PCDH15: variants seen among roughly 807,000 people sequenced by gnomAD.
The protein encoded by PCDH15 is protocadherin-15.
PCDH15 carries 129 observed loss-of-function variants against 178.5 expected under a neutral mutation model. The ratio of observed to expected loss-of-function variants is 0.72; its 90% confidence interval spans 0.63 to 0.84. PCDH15 has a LOEUF of 0.84. PCDH15 is among the 40% of genes least tolerant of loss of function. The pLI, the probability that PCDH15 is intolerant of heterozygous loss-of-function variation, is 0.00. For missense variants in PCDH15, 2,230 were observed against 2,099.9 expected (o/e 1.06, Z -1.21); for synonymous variants, 800 against 732.0 (o/e 1.09, Z -1.50).
At chr10:55,160,865 C>A (rs1261283237) in intron 2 of PCDH15, among the ~76,000 whole-genome samples, 2 of 152,128 alleles carry the variant, frequency 1.3e-5, no homozygotes, top group African/African-American at 2.4e-5. Context: ...ACAGCAATAT[C>A]TCTTATTTAA....
At chr10:55,115,394 G>C (rs1474367948) in intron 2 of PCDH15, among the ~76,000 whole-genome samples, 2 of 152,210 alleles carry the variant, frequency 1.3e-5, no homozygotes, top group Admixed American at 6.5e-5. Context: ...CAATATGCTA[G>C]TGAAAGCATT....
chr10:53,955,710 C>T (rs1425755117), intron 23 of PCDH15, among the ~76,000 whole-genome samples: 2 of 152,224 alleles, frequency 1.3e-5, no homozygotes, highest in East Asian at 1.9e-4. Context: ...AATTTGATCA[C>T]AAGAAGTAGA....
chr10:53,900,712 C>T (rs2082278055), intron 26 of PCDH15, among the ~76,000 whole-genome samples: 1 of 151,888 alleles, frequency 6.6e-6, no homozygotes, highest in South Asian at 2.1e-4. Context: ...TGTAGATCTC[C>T]CAGTAGTGGC....
At chr10:54,965,646 A>G (rs1838767462) in intron 2 of PCDH15, among the ~76,000 whole-genome samples, 1 of 147,788 alleles carries the variant, frequency 6.8e-6, no homozygotes, top group Non-Finnish European at 1.5e-5. Context: ...TATGTTGGGT[A>G]TATGTGGATT....
intron 1 of PCDH15, among the ~76,000 whole-genome samples, chr10:55,222,380 C>T (rs1261479891): frequency 1.3e-5 from 2 of 151,796 alleles, no homozygotes; most frequent in East Asian, 3.9e-4. Flanking sequence ...CACAAAAATA[C>T]ATGTCAAACT....
chr10:55,156,213 T>C (rs899438253), intron 2 of PCDH15, among the ~76,000 whole-genome samples: 6 of 152,126 alleles, frequency 3.9e-5, no homozygotes, highest in African/African-American at 1.4e-4. Flanking sequence ...CAAGGAATAT[T>C]TAGCTTTAGG....
chr10:55,191,932 G>A (rs984944207), intron 1 of PCDH15, among the ~76,000 whole-genome samples: 2 of 151,636 alleles, frequency 1.3e-5, no homozygotes, highest in Non-Finnish European at 2.9e-5. Flanking sequence ...TGCAAATCCC[G>A]TTTGTCTGAA....
chr10:55,585,640 C>T (rs567468839), intron 2 of PCDH15, among the ~76,000 whole-genome samples: 14 of 152,174 alleles, frequency 9.2e-5, no homozygotes, highest in African/African-American at 3.4e-4. Context: ...GGCGCCAATG[C>T]ACTCCAGCCT....
chr10:53,959,363 T>C (rs2088027437), intron 23 of PCDH15, among the ~76,000 whole-genome samples: 1 of 151,584 alleles, frequency 6.6e-6, no homozygotes, highest in South Asian at 2.1e-4. Flanking sequence ...TGATTGCAGA[T>C]TGCATGCCAA....
intron 2 of PCDH15, among the ~76,000 whole-genome samples, chr10:54,616,820 T>A (rs1372812608): frequency 6.6e-6 from 1 of 152,108 alleles, no homozygotes; most frequent in Non-Finnish European, 1.5e-5. Flanking sequence ...TATTGCATTA[T>A]ATATTCTTCC....
intron 15 of PCDH15, among the ~76,000 whole-genome samples, chr10:54,119,602 G>C (rs76623268): frequency 6.6e-6 from 1 of 152,106 alleles, no homozygotes; most frequent in Non-Finnish European, 1.5e-5. Context: ...AAATTTCCCT[G>C]ATCTTGCCAG....
At chr10:54,344,646 C>T (rs189288382) in intron 6 of PCDH15, among the ~76,000 whole-genome samples, 64 of 151,936 alleles carry the variant, frequency 4.2e-4, no homozygotes, top group Middle Eastern at 6.8e-3. Context: ...ATGGCGCACA[C>T]GTACAATTAA....
intron 28 of PCDH15, among the ~76,000 whole-genome samples, chr10:53,845,381 A>C (rs1258407015): frequency 6.6e-6 from 1 of 151,966 alleles, no homozygotes; most frequent in African/African-American, 2.4e-5. Context: ...CTAGGTATAC[A>C]TCCAAAAGAA....
chr10:55,399,759 C>T (rs1838020516), intron 2 of PCDH15, among the ~76,000 whole-genome samples: 1 of 151,960 alleles, frequency 6.6e-6, no homozygotes, highest in Non-Finnish European at 1.5e-5. Flanking sequence ...TTCATCATAT[C>T]GGTGGGAGTA....
intron 21 of PCDH15, among the ~76,000 whole-genome samples, chr10:53,968,869 C>T (rs1246753721): frequency 6.6e-6 from 1 of 152,046 alleles, no homozygotes; most frequent in African/African-American, 2.4e-5. Context: ...TCATCAAAGA[C>T]CAAAGGTAGA....
chr10:55,112,916 A>G (rs1358723704), intron 2 of PCDH15, among the ~76,000 whole-genome samples: 1 of 152,182 alleles, frequency 6.6e-6, no homozygotes, highest in Non-Finnish European at 1.5e-5. Flanking sequence ...CTCATCTCAC[A>G]GAGGTCAGTC....
rs534588814 is a variant in PCDH15, at chr10:53,840,366, T to C, written c.3937A>G (p.Ile1313Val). ...ATGGCTCTGTTGGTTTGGGGGTCAA[T>C]TGCATAGACAGTCAAGTCACATTTG... ...YTKCDLTVYA[I>V]DPQTNRAIDR... Residue 1313 changes from isoleucine to valine, a missense_variant, in exon 29 of 38, where the codon ATT becomes GTT. Transcript: ENST00000644397. 7 of 1,614,024 alleles carry C rather than the reference T, an allele frequency of 4.3e-6. No homozygotes were observed. The African/African-American group carries it at 8.0e-5, about 18-fold the overall frequency.
intron 18 of PCDH15, among the ~76,000 whole-genome samples, chr10:54,027,962 G>C (rs1294167733): frequency 6.6e-6 from 1 of 151,346 alleles, no homozygotes; most frequent in Non-Finnish European, 1.5e-5. Flanking sequence ...AAACTCAAGA[G>C]CTTCTGCACA....
At chr10:55,214,503 C>A (rs1280590355) in intron 1 of PCDH15, among the ~76,000 whole-genome samples, 1 of 151,448 alleles carries the variant, frequency 6.6e-6, no homozygotes, top group Non-Finnish European at 1.5e-5. Flanking sequence ...AATACATGAC[C>A]ATTTTATATC....
Sources: allele counts gnomAD v4.1 joint callset (sites outside exome capture counted in the v4.1 genomes callset), GRCh38; gene constraint gnomAD v4.1.1; transcripts MANE v1.5; gene names NCBI Gene and HGNC (gene_info 2026-07-23, HGNC 2026-07-21).